WDR37: variants seen among roughly 807,000 people sequenced by gnomAD.
WDR37 encodes the protein WD repeat-containing protein 37.
Under a neutral mutation model 62.9 loss-of-function variants are expected in WDR37, and 19 were observed. The ratio of observed to expected loss-of-function variants is 0.30; its 90% confidence interval spans 0.21 to 0.44. WDR37 has a LOEUF of 0.44. Among genes scored for constraint, WDR37 ranks in the 20% least tolerant of loss-of-function variants. WDR37 has a pLI of 1.00. For missense variants in WDR37, 474 were observed against 657.6 expected, an observed-to-expected ratio of 0.72 and a Z score of 3.05; for synonymous variants, 250 against 260.9, an observed-to-expected ratio of 0.96 and a Z score of 0.40.
chr10:1,078,650 T>C (rs1395174743), intron 3 of WDR37, among the ~76,000 whole-genome samples: 2 of 152,214 alleles, frequency 1.3e-5, no homozygotes, highest in Non-Finnish European at 2.9e-5. Context: ...CTCTATTACT[T>C]TCCAGTTTTT....
intron 1 of WDR37, among the ~76,000 whole-genome samples, chr10:1,060,066 T>C (rs1223257482): frequency 6.6e-6 from 1 of 152,214 alleles, no homozygotes; most frequent in Non-Finnish European, 1.5e-5. Context: ...CTTAAACTCC[T>C]GACCTCAGGT....
At chr10:1,109,768 T>G (rs1038490904) in intron 11 of WDR37, among the ~76,000 whole-genome samples, 3 of 152,222 alleles carry the variant, frequency 2.0e-5, no homozygotes, top group Non-Finnish European at 4.4e-5. Flanking sequence ...AGCTAGTGGA[T>G]ACATGAAACA....
chr10:1,112,995 T>C (rs1367656962), intron 11 of WDR37, among the ~76,000 whole-genome samples: 2 of 152,248 alleles, frequency 1.3e-5, no homozygotes, highest in African/African-American at 4.8e-5. Flanking sequence ...ATTTTCAGTG[T>C]AGACAAAACA....
chr10:1,102,309 T>TGCC lies in WDR37; in HGVS notation c.727-1291_727-1290insCGC, dbSNP rs1439136801. On this transcript the variant is annotated intron_variant, in intron 9 of 13. Transcript: ENST00000263150. ...TGCGTCCCTGTGACGTGCGTTCCCG[T>TGCC]GCTGCTGTGCGTCCCTGTGACGTGC... Among the ~76,000 whole-genome samples the TGCC allele has an allele frequency of 4.1e-4, 62 of 152,074 alleles. 2 individuals are homozygous for TGCC. The East Asian group carries it at 0.011, about 28-fold the overall frequency.
At chr10:1,086,868 G>A (rs1024282103) in intron 7 of WDR37, among the ~76,000 whole-genome samples, 3 of 152,236 alleles carry the variant, frequency 2.0e-5, no homozygotes, top group African/African-American at 7.2e-5. Context: ...AGCTGTGTGT[G>A]TACCAGTTTC....
At position 1,130,625 on chromosome 10, in the gene WDR37, C is replaced by T. The variant is rs890651799; in HGVS notation, c.*1281C>T. 2.0e-5 allele frequency: 3 copies of T among 152,216 alleles called. No homozygotes were observed. Among genetic ancestry groups the T allele is most frequent in the African/African-American group, 7.2e-5 (3 of 41,420 alleles). The allele number at this position is 152,216 out of a possible 1,614,324, so 9.4% of individuals were successfully genotyped here. A position where few individuals can be genotyped will look rare whatever the true frequency, so the allele number is the denominator to read the frequency against. ...TTTCCTGTGTCTTGTATATTCAGTCCTTTCAATACGTCCACCTGGAGGCTC... is the reference window on the plus strand; with the variant it reads ...TTTCCTGTGTCTTGTATATTCAGTCTTTTCAATACGTCCACCTGGAGGCTC... On this transcript the variant is annotated 3_prime_UTR_variant, in exon 14 of 14. Coordinates refer to ENST00000263150, the MANE Select transcript of WDR37 (RefSeq NM_014023.4).
chr10:1,114,397 C>T (rs1414207457), intron 11 of WDR37, among the ~76,000 whole-genome samples: 2 of 152,246 alleles, frequency 1.3e-5, no homozygotes, highest in African/African-American at 2.4e-5. Flanking sequence ...CCTTATCAGT[C>T]AGCAGCCATC....
At position 1,129,553 on chromosome 10, in the gene WDR37, A is replaced by G. The variant is rs1030998905; in HGVS notation, c.*209A>G. 11 of 658,716 alleles carry G rather than the reference A, an allele frequency of 1.7e-5. No homozygotes were observed. In the Admixed American group the frequency reaches 3.4e-4, roughly 20 times the overall value. 40.8% of individuals were successfully genotyped at this position (658,716 alleles called of 1,614,324 possible). A position where few individuals can be genotyped will look rare whatever the true frequency, so the allele number is the denominator to read the frequency against. ...TTACTTTTGTCTTGTATATGTATGT[A>G]TATTGGGTCCTCTGGGCAGTAGAGG... On this transcript the variant is annotated 3_prime_UTR_variant, in exon 14 of 14. Coordinates refer to ENST00000263150, the MANE Select transcript of WDR37 (RefSeq NM_014023.4).
chr10:1,096,183 G>C lies in WDR37; in HGVS notation c.663G>C (p.Gln221His). 1 of 1,614,122 alleles carries C rather than the reference G, an allele frequency of 6.2e-7. No individual in the cohort carries two copies. Among genetic ancestry groups the C allele is most frequent in the Non-Finnish European group, 8.5e-7 (1 of 1,180,012 alleles). The change falls in exon 9 of 14, where the codon CAG (glutamine) becomes CAC (histidine). Residue 221 changes from glutamine (Q) to histidine (H), a missense_variant. By Grantham distance (24) the Gln-to-His change is conservative. Transcript: ENST00000263150. ...EQLALTASGD[Q>H]TAHIWRYAVQ... The stretch of plus-strand genomic sequence containing the variant: ...TTCTCTCTTCAGCTTCTGGAGATCA[G>C]ACTGCTCATATCTGGAGATACGCGG...
At chr10:1,058,430 A>G (rs1173189505) in intron 1 of WDR37, among the ~76,000 whole-genome samples, 1 of 152,232 alleles carries the variant, frequency 6.6e-6, no homozygotes, top group Non-Finnish European at 1.5e-5. Context: ...TTTGCCCTGA[A>G]CTAAAATCCC....
intron 9 of WDR37, chr10:1,096,725 A>G (rs911795560): frequency 5.1e-5 from 8 of 156,626 alleles, no homozygotes; most frequent in Non-Finnish European, 9.9e-5. Context: ...AGAAATGCCG[A>G]CGGTGTGGAC....
chr10:1,123,400 C>T (rs940119211), intron 11 of WDR37, among the ~76,000 whole-genome samples: 2 of 152,226 alleles, frequency 1.3e-5, no homozygotes, highest in Admixed American at 1.3e-4. Context: ...AAACTCTGCA[C>T]TTGTGAAACT....
In WDR37 at chr10:1,086,670, T is replaced by TA. The variant is rs1263722290; in HGVS notation, c.604+314dup. On this transcript the variant is annotated intron_variant, in intron 7 of 13. Coordinates refer to ENST00000263150, the MANE Select transcript of WDR37 (RefSeq NM_014023.4). ...TGTGCGTTATTTTTCACAAAATACATATCTGTTTTAGAGGTTTACTTTTGA... is the reference window on the plus strand; with the variant it reads ...TGTGCGTTATTTTTCACAAAATACATAATCTGTTTTAGAGGTTTACTTTTGA... Among the ~76,000 whole-genome samples the TA allele has an allele frequency of 3.3e-5, 5 of 152,350 alleles. No homozygotes were observed. The East Asian group carries it at 7.7e-4, about 23-fold the overall frequency.
chr10:1,127,069 C>G (rs908776044), intron 13 of WDR37, among the ~76,000 whole-genome samples: 2 of 152,226 alleles, frequency 1.3e-5, no homozygotes, highest in Non-Finnish European at 2.9e-5. Context: ...AGAATGTTCT[C>G]TTTTCAATGT....
intron 9 of WDR37, among the ~76,000 whole-genome samples, chr10:1,097,316 A>T (rs768474401): frequency 2.0e-5 from 3 of 152,212 alleles, no homozygotes; most frequent in Non-Finnish European, 4.4e-5. Flanking sequence ...CACCCACCGC[A>T]GCAGGATCCA....
At chr10:1,065,702 CA>C (rs954019349) in intron 1 of WDR37, among the ~76,000 whole-genome samples, 4 of 152,046 alleles carry the variant, frequency 2.6e-5, no homozygotes, top group African/African-American at 9.7e-5. Flanking sequence ...ACAGCACCTA[CA>C]AAAAAATCTA....
In WDR37 at chr10:1,057,794, CAT is replaced by C. The variant is rs1340750571; in HGVS notation, c.-41+827_-41+828del. 2.0e-5 allele frequency among the ~76,000 whole-genome samples: 3 copies of C among 152,150 alleles called. No individual in the cohort carries two copies. The East Asian group carries it at 5.8e-4, about 29-fold the overall frequency. On this transcript the variant is annotated intron_variant, in intron 1 of 13. Transcript: ENST00000263150. ...AACATTCGTCCCTTGAAGCGGATAC[CAT>C]TATAGAAAAGTGTTAATTGCTTGGA... is the stretch of plus-strand genomic sequence containing the variant.
At position 1,129,431 on chromosome 10, in the gene WDR37, G is replaced by T. The variant is rs1416030565; in HGVS notation, c.*87G>T. 7 of 1,568,008 alleles carry T rather than the reference G, an allele frequency of 4.5e-6. No individual in the cohort carries two copies. The East Asian group carries it at 9.0e-5, about 20-fold the overall frequency. On this transcript the variant is annotated 3_prime_UTR_variant, in exon 14 of 14. Transcript: ENST00000263150. ...TTCTGCGTATTAATCAGCCATTTTT[G>T]TGAGAGTTTGACCCTGGAAAGGGTG... is the stretch of plus-strand genomic sequence containing the variant.
intron 2 of WDR37, among the ~76,000 whole-genome samples, chr10:1,075,866 A>G (rs1288733148): frequency 2.0e-5 from 3 of 147,720 alleles, no homozygotes; most frequent in East Asian, 4.0e-4. Context: ...TGCAACCTCT[A>G]CCTCCTGGGT....
Sources: gnomAD v4.1 joint callset for allele counts (sites outside exome capture counted in the v4.1 genomes callset) on GRCh38, gnomAD v4.1.1 for gene constraint, MANE v1.5 for transcripts, NCBI Gene and HGNC (gene_info 2026-07-23, HGNC 2026-07-21) for gene names.